MYO7B: variants seen among roughly 807,000 people sequenced by gnomAD.
MYO7B encodes myosin VIIB, also known as unconventional myosin-VIIb.
In MYO7B, 212 loss-of-function variants were observed where a neutral mutation model predicts 259.7. That is an observed-to-expected ratio of 0.82 (90% CI 0.73 to 0.91). MYO7B has a LOEUF of 0.91. Ranked by LOEUF, MYO7B falls within the 40% of genes least tolerant of loss-of-function variation. The pLI, the probability that MYO7B is intolerant of heterozygous loss-of-function variation, is 0.00. For missense variants in MYO7B, 2,732 were observed against 2,813.5 expected (o/e 0.97, Z 0.66); for synonymous variants, 1,197 against 1,166.4 (o/e 1.03, Z -0.54).
chr2:127,564,254 T>C lies in MYO7B; in HGVS notation c.120T>C (p.Asp40=), dbSNP rs768542365. The C allele has an allele frequency of 2.4e-5, 38 of 1,572,442 alleles. No homozygotes were observed. The highest frequency in any genetic ancestry group is 3.1e-5 in the Non-Finnish European group (36 of 1,158,966). ...AGCCAGGCAAAGTCTTGGTTGAAGA[T>C]GACGAGGGCAAGGTCAGTGTTCTGG... ...EAKPGKVLVE[D]DEGKEHWIRA... is the part of the protein sequence containing the mutation. Residue 40 remains aspartate, a synonymous_variant, in exon 3 of 48, where the codon GAT becomes GAC. Transcript: ENST00000409816.
intron 19 of MYO7B, among the ~76,000 whole-genome samples, chr2:127,605,044 A>T (rs1420621187): frequency 6.6e-6 from 1 of 152,230 alleles, no homozygotes; most frequent in Non-Finnish European, 1.5e-5. Context: ...TTCTAAAAAC[A>T]CAATATCTGC....
chr2:127,635,059 G>A (rs1030454367), intron 42 of MYO7B, 61 bp from the exon 43 acceptor site: 27 of 1,389,132 alleles, frequency 1.9e-5, no homozygotes, highest in Non-Finnish European at 2.4e-5. Flanking sequence ...GGGGTGGCAG[G>A]GGGTCAGGGC....
At chr2:127,593,169 C>T (rs4662742) in intron 17 of MYO7B, among the ~76,000 whole-genome samples, 1 of 151,998 alleles carries the variant, frequency 6.6e-6, no homozygotes, top group South Asian at 2.1e-4. Flanking sequence ...GGAGAGCTGG[C>T]GGCCGCAGCG....
intron 21 of MYO7B, 53 bp from the exon 22 acceptor site, chr2:127,608,655 G>A: frequency 6.4e-7 from 1 of 1,559,488 alleles, no homozygotes; most frequent in Non-Finnish European, 8.7e-7. Context: ...GCAGGGCTGG[G>A]CCCCCTGAGC....
chr2:127,587,402 C>T (rs1357993500), intron 14 of MYO7B, among the ~76,000 whole-genome samples: 1 of 152,108 alleles, frequency 6.6e-6, no homozygotes, highest in Non-Finnish European at 1.5e-5. Context: ...ATGATTGTCT[C>T]AGAGTTCTAG....
intron 26 of MYO7B, 86 bp downstream of exon 26, chr2:127,612,689 A>T: frequency 1.3e-6 from 2 of 1,520,642 alleles, no homozygotes; most frequent in Non-Finnish European, 1.8e-6. Context: ...CTCCCCCACC[A>T]CCCCTATGAC....
chr2:127,564,151 AGG>A lies in MYO7B; in HGVS notation c.19_20del (p.Gly7Ter). ...CACCACTGTCTTCTGTCTGCCCTCC[AGG>A]GTGACCACGTGTGGCTGGAGCCTCC... On this transcript the variant is annotated splice_acceptor_variant and coding_sequence_variant, in exon 3 of 48. Transcript: ENST00000409816. LOFTEE classifies it high-confidence loss of function. The A allele has an allele frequency of 3.2e-6, 5 of 1,555,652 alleles. No homozygotes were observed. The highest frequency in any genetic ancestry group is 4.4e-6 in the Non-Finnish European group (5 of 1,147,886).
intron 5 of MYO7B, 37 bp from the exon 6 acceptor site, chr2:127,569,752 T>C: frequency 6.3e-7 from 1 of 1,582,006 alleles, no homozygotes. Context: ...AAAATAGTCG[T>C]TTTGTGGCAT....
rs1186057262 is a variant in MYO7B, at chr2:127,590,958, C to G, written c.1992+729C>G. ...CTTGTAATCCCAGCACTTTGGGAGGCTGAGGCGGGAGGATTGCTTGAGGCA... is the reference window on the plus strand; with the variant it reads ...CTTGTAATCCCAGCACTTTGGGAGGGTGAGGCGGGAGGATTGCTTGAGGCA... On this transcript the variant is annotated intron_variant, in intron 16 of 47. Transcript: ENST00000409816. The surrounding 1 kb of genome is among the most constrained non-coding windows in gnomAD (Gnocchi z 4.6). Among the ~76,000 whole-genome samples the G allele has an allele frequency of 1.3e-5, 2 of 152,214 alleles. No individual in the cohort carries two copies. Among genetic ancestry groups the G allele is most frequent in the East Asian group, 3.8e-4 (2 of 5,204 alleles).
At chr2:127,560,922 G>A (rs1158683135) in intron 2 of MYO7B, among the ~76,000 whole-genome samples, 2 of 152,196 alleles carry the variant, frequency 1.3e-5, no homozygotes, top group African/African-American at 4.8e-5. Context: ...TCACAGAATG[G>A]ACAGCCAAGA....
intron 1 of MYO7B, among the ~76,000 whole-genome samples, chr2:127,552,294 A>G (rs1445055679): frequency 6.6e-6 from 1 of 152,164 alleles, no homozygotes; most frequent in Non-Finnish European, 1.5e-5. Context: ...CGTTCCAAAA[A>G]GATTTGAGGC....
chr2:127,607,370 G>A lies in MYO7B; in HGVS notation c.2589G>A (p.Gln863=). Residue 863 remains glutamine, a synonymous_variant, in exon 21 of 48, where the codon CAG becomes CAA. Coordinates refer to ENST00000409816, the MANE Select transcript of MYO7B (RefSeq NM_001393586.1). The surrounding 1 kb of genome is among the most constrained non-coding windows in gnomAD (Gnocchi z 4.4). Reference sequence around the variant, plus strand: ...AGAGGAGGGCAGTGGTGGTCATTCAGGCCCATGCCAGGGGCATGGCTGCCC... The same window carrying A: ...AGAGGAGGGCAGTGGTGGTCATTCAAGCCCATGCCAGGGGCATGGCTGCCC... The part of the protein sequence containing the change: ...QAKRRAVVVI[Q]AHARGMAARR... 1 of 1,551,438 alleles carries A rather than the reference G, an allele frequency of 6.4e-7. No individual in the cohort carries two copies. Among genetic ancestry groups the A allele is most frequent in the Non-Finnish European group, 8.7e-7 (1 of 1,146,868 alleles).
rs1397267372 is a variant in MYO7B, at chr2:127,597,990, A to G, written c.2339+1434A>G. Reference sequence around the variant, plus strand: ...TGGTATTCTATGGGATGGATACACCACAGTTTGTTTAACCATTCACCTGTA... The same window carrying G: ...TGGTATTCTATGGGATGGATACACCGCAGTTTGTTTAACCATTCACCTGTA... On this transcript the variant is annotated intron_variant, in intron 19 of 47. Coordinates refer to ENST00000409816, the MANE Select transcript of MYO7B (RefSeq NM_001393586.1). This position sits in a 1 kb window ranked among gnomAD's most constrained non-coding sequence, Gnocchi z 4.8. Among the ~76,000 whole-genome samples the G allele has an allele frequency of 6.6e-6, 1 of 152,140 alleles. No homozygotes were observed. The highest frequency in any genetic ancestry group is 2.4e-5 in the African/African-American group (1 of 41,434).
In MYO7B at chr2:127,566,839, G is replaced by A. The variant is rs1678373086; in HGVS notation, c.470+12G>A. 1.2e-6 allele frequency: 2 copies of A among 1,603,216 alleles called. No individual in the cohort carries two copies. The highest frequency in any genetic ancestry group is 1.7e-6 in the Non-Finnish European group (2 of 1,177,528). On this transcript the variant is annotated intron_variant, in intron 5 of 47. Transcript: ENST00000409816. ...TGCTGCATCATCAGGTGAGGCAGAG[G>A]GGTCAGGCACCACCTCCAGGCATCT... is the stretch of plus-strand genomic sequence containing the variant.
chr2:127,628,658 G>A lies in MYO7B; in HGVS notation c.4624+123G>A. The A allele has an allele frequency of 2.7e-6, 3 of 1,100,702 alleles. No homozygotes were observed. The highest frequency in any genetic ancestry group is 3.9e-6 in the Non-Finnish European group (3 of 776,350). 68.2% of individuals were successfully genotyped at this position (1,100,702 alleles called of 1,614,324 possible). A position where few individuals can be genotyped will look rare whatever the true frequency, so the allele number is the denominator to read the frequency against. On this transcript the variant is annotated intron_variant, in intron 34 of 47. Transcript: ENST00000409816. This position sits in a 1 kb window ranked among gnomAD's most constrained non-coding sequence, Gnocchi z 4.8. ...CCACAAGGCAAGCAGAGGGAGGGAA[G>A]GCCCCAAAGCTCTGTGGGGGCAGCT...
chr2:127,579,690 A>G (rs1239131881), intron 9 of MYO7B, among the ~76,000 whole-genome samples: 1 of 152,096 alleles, frequency 6.6e-6, no homozygotes, highest in Non-Finnish European at 1.5e-5. Context: ...GGTTCAAGCG[A>G]TTCTCCCACC....
At chr2:127,587,694 G>A (rs13390716) in intron 14 of MYO7B, among the ~76,000 whole-genome samples, 1,806 of 151,454 alleles carry the variant, frequency 0.012, 39 homozygotes, top group African/African-American at 0.041. Flanking sequence ...TCAGGCTCCT[G>A]AGTAGCTGGG....
rs1323005397 is a variant in MYO7B at position 127,569,846 on chromosome 2, C to T, written c.528C>T (p.Ala176=). ...ETTKLILQFL[A]TISGQHSWIE... is the part of the protein sequence containing the mutation. ...CCAAGCTCATCCTGCAGTTCCTGGC[C>T]ACCATCAGTGGCCAGCATTCGTGGA... The change falls in exon 6 of 48, where the codon GCC becomes GCT. Residue 176 remains alanine, a synonymous_variant. Transcript: ENST00000409816. The T allele has an allele frequency of 2.5e-6, 4 of 1,613,370 alleles. No homozygotes were observed. The highest frequency in any genetic ancestry group is 3.4e-6 in the Non-Finnish European group (4 of 1,179,642).
At position 127,628,627 on chromosome 2, in the gene MYO7B, C is replaced by T; in HGVS notation, c.4624+92C>T. On this transcript the variant is annotated intron_variant, in intron 34 of 47. Transcript: ENST00000409816. This position sits in a 1 kb window ranked among gnomAD's most constrained non-coding sequence, Gnocchi z 4.8. ...GGTAGGTGGCATGCTCATCTCCACA[C>T]AGCAGCCACAAGGCAAGCAGAGGGA... The T allele has an allele frequency of 7.5e-7, 1 of 1,326,612 alleles. No individual in the cohort carries two copies. Among genetic ancestry groups the T allele is most frequent in the South Asian group, 1.4e-5 (1 of 71,368 alleles). 82.2% of individuals were successfully genotyped at this position (1,326,612 alleles called of 1,614,324 possible). A position where few individuals can be genotyped will look rare whatever the true frequency, so the allele number is the denominator to read the frequency against.
Sources: gnomAD v4.1 joint callset for allele counts (sites outside exome capture counted in the v4.1 genomes callset) on GRCh38, gnomAD v4.1.1 for gene constraint, Gnocchi (gnomAD v3.1) non-coding constraint, MANE v1.5 for transcripts, NCBI Gene and HGNC (gene_info 2026-07-23, HGNC 2026-07-21) for gene names.